SUV39H1: variants seen among roughly 807,000 people sequenced by gnomAD.
SUV39H1 encodes histone-lysine N-methyltransferase SUV39H1.
For synonymous variants in SUV39H1, 141 were observed against 150.5 expected (o/e 0.94, Z 0.46); for missense variants, 180 against 386.3 (o/e 0.47, Z 4.48).
At position 48,700,204 on chromosome X, in the gene SUV39H1, A is replaced by G. The variant is rs2062469681; in HGVS notation, c.279A>G (p.Leu93=). ...VRILKQFHKD[L]ERELLRRHHR... The stretch of plus-strand genomic sequence containing the variant: ...TCCTCAAGCAGTTCCACAAGGACTT[A>G]GAAAGGGAGCTGCTCCGGCGGCACC... Residue 93 remains leucine (L), a synonymous_variant, in exon 3 of 6, where the codon TTA becomes TTG. Coordinates refer to ENST00000376687, the MANE Select transcript of SUV39H1 (RefSeq NM_003173.4). 1 of 1,203,731 alleles carries G rather than the reference A, an allele frequency of 8.3e-7. No homozygotes were observed. Among genetic ancestry groups the G allele is most frequent in the Non-Finnish European group, 1.1e-6 (1 of 891,435 alleles).
chrX:48,705,836 C>T (rs942340494), intron 3 of SUV39H1, among the ~76,000 whole-genome samples: 7 of 112,190 alleles, frequency 6.2e-5, no homozygotes, highest in Admixed American at 2.8e-4. Context: ...GCTCAGGCTC[C>T]CTTGCCTGGA....
rs1463561497 is a variant in SUV39H1 at position 48,701,492 on chromosome X, G to A, written c.828+739G>A. The stretch of plus-strand genomic sequence containing the variant: ...AGATCCTCAGCATTGCCTGGCAGGC[G>A]GGCCAAGTGGGGGATAGAAGGGGCC... On this transcript the variant is annotated intron_variant, in intron 3 of 5. Coordinates refer to ENST00000376687, the MANE Select transcript of SUV39H1 (RefSeq NM_003173.4). 7.2e-5 allele frequency among the ~76,000 whole-genome samples: 8 copies of A among 111,590 alleles called. 1 individual carries two copies. Among genetic ancestry groups the A allele is most frequent in the Non-Finnish European group, 1.1e-4 (6 of 53,049 alleles).
chrX:48,696,710 G>A, upstream of SUV39H1: 1 of 1,114,166 alleles, frequency 9.0e-7, no homozygotes, highest in Non-Finnish European at 1.2e-6. Context: ...TAGGCTGCGC[G>A]TTCCCGGCCA....
intron 3 of SUV39H1, chrX:48,705,187 G>T (rs1357293629): frequency 8.9e-6 from 1 of 112,390 alleles, no homozygotes; most frequent in African/African-American, 3.2e-5. Context: ...GCCCGAGAGG[G>T]GTCTCTGGAG....
chrX:48,695,696 C>G (rs1897881439), upstream of SUV39H1: 1 of 1,133,184 alleles, frequency 8.8e-7, no homozygotes, highest in Non-Finnish European at 1.2e-6. Flanking sequence ...TTGAACGAGT[C>G]ACAGGCCAGC....
chrX:48,704,857 G>A (rs782601208), intron 3 of SUV39H1, among the ~76,000 whole-genome samples: 2 of 111,374 alleles, frequency 1.8e-5, no homozygotes, highest in South Asian at 7.6e-4. Context: ...AGTGGACCGG[G>A]CCTGGTCCCT....
At chrX:48,702,919 G>C (rs2062479564) in intron 3 of SUV39H1, among the ~76,000 whole-genome samples, 1 of 111,663 alleles carries the variant, frequency 9.0e-6, no homozygotes, top group Admixed American at 9.5e-5. Context: ...TGAAGAGACA[G>C]TATAGCAAAT....
chrX:48,699,067 G>T lies in SUV39H1; in HGVS notation c.165+20G>T. 2 of 1,194,552 alleles carry T rather than the reference G, an allele frequency of 1.7e-6. No individual in the cohort carries two copies. Among genetic ancestry groups the T allele is most frequent in the East Asian group, 6.0e-5 (2 of 33,503 alleles). On this transcript the variant is annotated intron_variant, in intron 2 of 5. Transcript: ENST00000376687. The stretch of plus-strand genomic sequence containing the variant: ...ATCCGCGTGAGTCTGGGGTGACCAT[G>T]CTCTGGGAGGGGACAGGTCACAAGG...
intron 1 of SUV39H1, among the ~76,000 whole-genome samples, chrX:48,698,282 C>T (rs1391790995): frequency 8.9e-6 from 1 of 111,879 alleles, no homozygotes; most frequent in Non-Finnish European, 1.9e-5. Context: ...TGCTGCAGGA[C>T]GGTTAATGCA....
At chrX:48,703,919 T>TA (rs1365998662) in intron 3 of SUV39H1, among the ~76,000 whole-genome samples, 3 of 107,386 alleles carry the variant, frequency 2.8e-5, no homozygotes, top group Admixed American at 1.0e-4. Context: ...GTACAATGGA[T>TA]AAAAAAATAA....
chrX:48,696,894 G>A (rs1462862044), intron 1 of SUV39H1, 91 bp downstream of exon 1: 7 of 718,929 alleles, frequency 9.7e-6, no homozygotes, highest in African/African-American at 4.7e-5. Context: ...CGGCGTCCGA[G>A]GCCCCGGCGC....
At chrX:48,702,995 C>T (rs989663165) in intron 3 of SUV39H1, among the ~76,000 whole-genome samples, 6 of 111,949 alleles carry the variant, frequency 5.4e-5, no homozygotes, top group African/African-American at 1.3e-4. Flanking sequence ...TACTCATCAG[C>T]AATCACTAAC....
At chrX:48,695,661 G>A (rs2062452069), upstream of SUV39H1, 3 of 1,112,282 alleles carry the variant, frequency 2.7e-6, no homozygotes, top group South Asian at 4.3e-5. Flanking sequence ...TGCTGAGAAT[G>A]ACTGACGATG....
chrX:48,707,407 C>G, intron 5 of SUV39H1, 30 bp from the exon 6 acceptor site: 1 of 1,203,846 alleles, frequency 8.3e-7, no homozygotes, highest in Non-Finnish European at 1.1e-6. Flanking sequence ...GCCTCCTTCC[C>G]TCCTCTCCTC....
chrX:48,704,335 A>G (rs1334171020), intron 3 of SUV39H1, among the ~76,000 whole-genome samples: 2 of 111,646 alleles, frequency 1.8e-5, no homozygotes, highest in African/African-American at 6.5e-5. Flanking sequence ...GATGGAGACT[A>G]GGAAGGATGT....
At chrX:48,703,754 A>G (rs782537438) in intron 3 of SUV39H1, among the ~76,000 whole-genome samples, 2 of 110,996 alleles carry the variant, frequency 1.8e-5, no homozygotes, top group Non-Finnish European at 3.8e-5. Flanking sequence ...TCACTCTCCT[A>G]TCAGAAACAG....
At chrX:48,707,217 C>T (rs1458981848) in intron 5 of SUV39H1, among the ~76,000 whole-genome samples, 1 of 109,442 alleles carries the variant, frequency 9.1e-6, no homozygotes, top group African/African-American at 3.3e-5. Flanking sequence ...TGAGCCCTGG[C>T]CCTAGCCCCA....
chrX:48,696,840 C>T (rs1363075165), intron 1 of SUV39H1, 37 bp downstream of exon 1: 5 of 1,085,538 alleles, frequency 4.6e-6, no homozygotes, highest in African/African-American at 3.9e-5. Flanking sequence ...GCCCGCTGGC[C>T]GGGCCGGGTG....
intron 5 of SUV39H1, among the ~76,000 whole-genome samples, chrX:48,707,118 C>G (rs924675999): frequency 9.2e-6 from 1 of 108,940 alleles, no homozygotes; most frequent in African/African-American, 3.4e-5. Context: ...TGCCCCCCCC[C>G]ACACACCTAA....
Sources: gnomAD v4.1 joint callset for allele counts (sites outside exome capture counted in the v4.1 genomes callset) on GRCh38, gnomAD v4.1.1 for gene constraint, MANE v1.5 for transcripts, NCBI Gene and HGNC (gene_info 2026-07-23, HGNC 2026-07-21) for gene names.